Variants in FOXP4 observed in about 807,000 individuals in gnomAD.
FOXP4 encodes the protein forkhead box protein P4.
Under a neutral mutation model 82.6 loss-of-function variants are expected in FOXP4, and 25 were observed. The observed-to-expected ratio is 0.30, with a 90% CI of 0.22 to 0.42. FOXP4 has a LOEUF of 0.42. Among genes scored for constraint, FOXP4 ranks in the 10% least tolerant of loss-of-function variants. The pLI, the probability that FOXP4 is intolerant of heterozygous loss-of-function variation, is 1.00. For synonymous variants in FOXP4, 415 were observed against 388.2 expected, an observed-to-expected ratio of 1.07 and a Z score of -0.81; for missense variants, 785 against 900.9, an observed-to-expected ratio of 0.87 and a Z score of 1.65.
rs79689663 is a variant in FOXP4, at chr6:41,594,703, G to A, written c.1537-167G>A. On this transcript the variant is annotated intron_variant, in intron 13 of 16. Transcript: ENST00000307972. ...GGCTCTATGGAAAGGGTAGGGGCCCGCCTTCCCTTTGGCTGGGTCTCCTCC... is the reference window on the plus strand; with the variant it reads ...GGCTCTATGGAAAGGGTAGGGGCCCACCTTCCCTTTGGCTGGGTCTCCTCC... 9.0e-3 allele frequency among the ~76,000 whole-genome samples: 1,363 copies of A among 152,224 alleles called. 17 individuals carry two copies. The highest frequency in any genetic ancestry group is 0.03 in the African/African-American group (1,251 of 41,520).
chr6:41,596,773 G>A (rs1283622599), intron 14 of FOXP4, among the ~76,000 whole-genome samples: 1 of 152,118 alleles, frequency 6.6e-6, no homozygotes, highest in African/African-American at 2.4e-5. Flanking sequence ...AAGACAGTGT[G>A]GGCAGACCAG....
intron 1 of FOXP4, among the ~76,000 whole-genome samples, chr6:41,563,217 C>T (rs1764687809): frequency 6.6e-6 from 1 of 152,214 alleles, no homozygotes; most frequent in African/African-American, 2.4e-5. Flanking sequence ...GCCACAGGAA[C>T]AGGGATGTGG....
chr6:41,585,798 C>T (rs1022382919), intron 5 of FOXP4, among the ~76,000 whole-genome samples: 2 of 151,950 alleles, frequency 1.3e-5, no homozygotes, highest in African/African-American at 4.8e-5. Flanking sequence ...TGTGTGGTGT[C>T]TGCCGGGCCA....
At position 41,591,893 on chromosome 6, in the gene FOXP4, T is replaced by G. The variant is rs1236145460; in HGVS notation, c.1536+571T>G. On this transcript the variant is annotated intron_variant, in intron 13 of 16. Coordinates refer to ENST00000307972, the MANE Select transcript of FOXP4 (RefSeq NM_001012426.2). This position sits in a 1 kb window ranked among gnomAD's most constrained non-coding sequence, Gnocchi z 4.2. ...CATTTCAACACCTTCAGCCATAAGT[T>G]TTCCTGGGAGAGCAGAAGCAGGCAA... is the stretch of plus-strand genomic sequence containing the variant. Among the ~76,000 whole-genome samples, 1 of 152,044 alleles carries G rather than the reference T, an allele frequency of 6.6e-6. No individual in the cohort carries two copies. Among genetic ancestry groups the G allele is most frequent in the Non-Finnish European group, 1.5e-5 (1 of 68,020 alleles).
intron 14 of FOXP4, among the ~76,000 whole-genome samples, chr6:41,595,907 TA>T (rs1224616217): frequency 6.6e-6 from 1 of 152,004 alleles, no homozygotes; most frequent in Non-Finnish European, 1.5e-5. Flanking sequence ...CCTGGCCTAT[TA>T]TTTTTTTGAG....
In FOXP4 at chr6:41,587,884, G is replaced by T; in HGVS notation, c.964G>T (p.Gly322Cys). The change falls in exon 8 of 17, where the codon GGC becomes TGC. Residue 322 changes from glycine to cysteine, a missense_variant. This residue lies in a region of FOXP4 where 570 missense variants were observed against 634.0 expected (regional missense o/e 0.90). Transcript: ENST00000307972. ...PGCETLCEDL[G>C]QFIKHLNTEH... ...CTGTGAGACCCTGTGTGAAGACCTG[G>T]GCCAGTTTATCAAGTAGGTGTCACC... is the stretch of plus-strand genomic sequence containing the variant. The T allele has an allele frequency of 6.4e-7, 1 of 1,557,842 alleles. No homozygotes were observed. Among genetic ancestry groups the T allele is most frequent in the South Asian group, 1.2e-5 (1 of 84,612 alleles).
chr6:41,594,043 G>A (rs567140212), intron 13 of FOXP4, among the ~76,000 whole-genome samples: 32 of 152,284 alleles, frequency 2.1e-4, no homozygotes, highest in Admixed American at 7.2e-4. Context: ...TGAGGGACAC[G>A]ATGAGGTGGG....
Position 41,591,685 on chromosome 6 carries a change from G to A in FOXP4, c.1536+363G>A, listed in dbSNP as rs1159243333. Among the ~76,000 whole-genome samples, 7 of 152,284 alleles carry A rather than the reference G, an allele frequency of 4.6e-5. No individual in the cohort carries two copies. In the East Asian group the frequency reaches 1.4e-3, roughly 29 times the overall value. Reference sequence around the variant, plus strand: ...GGGCCGAATTTCACAGAGACCCTAAGGGTCTGGATACCTTGGCTTAAGGTA... The same window carrying A: ...GGGCCGAATTTCACAGAGACCCTAAAGGTCTGGATACCTTGGCTTAAGGTA... On this transcript the variant is annotated intron_variant, in intron 13 of 16. Transcript: ENST00000307972. The surrounding 1 kb of genome is among the most constrained non-coding windows in gnomAD (Gnocchi z 4.2).
chr6:41,573,572 A>G (rs1357004327), intron 2 of FOXP4, among the ~76,000 whole-genome samples: 1 of 152,020 alleles, frequency 6.6e-6, no homozygotes, highest in Non-Finnish European at 1.5e-5. Context: ...TTTGGTTAGC[A>G]AGGCCTTCTG....
intron 2 of FOXP4, among the ~76,000 whole-genome samples, chr6:41,568,423 C>T (rs561013157): frequency 1.2e-4 from 19 of 152,350 alleles, no homozygotes; most frequent in Non-Finnish European, 2.2e-4. Flanking sequence ...GTTCAGGGCT[C>T]AGCACACCTG....
chr6:41,561,729 A>C (rs1250961410), intron 1 of FOXP4, among the ~76,000 whole-genome samples: 2 of 152,214 alleles, frequency 1.3e-5, no homozygotes, highest in East Asian at 1.9e-4. Flanking sequence ...ACCGACCATC[A>C]GTGCCTACCA....
chr6:41,550,464 G>A (rs907946359), intron 1 of FOXP4, among the ~76,000 whole-genome samples: 1 of 152,212 alleles, frequency 6.6e-6, no homozygotes, highest in South Asian at 2.1e-4. Context: ...TATGGGTTGG[G>A]AAAACGAAGT....
At chr6:41,556,411 C>A (rs373366502) in intron 1 of FOXP4, among the ~76,000 whole-genome samples, 1 of 151,526 alleles carries the variant, frequency 6.6e-6, no homozygotes, top group African/African-American at 2.4e-5. Context: ...GCAAGCTCCA[C>A]CTCCCAGGTT....
chr6:41,571,763 TA>T (rs1478822689), intron 2 of FOXP4, among the ~76,000 whole-genome samples: 1 of 152,146 alleles, frequency 6.6e-6, no homozygotes, highest in African/African-American at 2.4e-5. Flanking sequence ...CCTCTCTGTG[TA>T]ATTTCATTTT....
At chr6:41,582,888 C>A (rs561037802) in intron 3 of FOXP4, among the ~76,000 whole-genome samples, 1 of 152,284 alleles carries the variant, frequency 6.6e-6, no homozygotes, top group South Asian at 2.1e-4. Context: ...ACCTGCCCTG[C>A]GGTGGGGCAG....
In FOXP4 at chr6:41,558,304, T is replaced by C. The variant is rs1764389535; in HGVS notation, c.-16-7441T>C. On this transcript the variant is annotated intron_variant, in intron 1 of 16. Coordinates refer to ENST00000307972, the MANE Select transcript of FOXP4 (RefSeq NM_001012426.2). This position sits in a 1 kb window ranked among gnomAD's most constrained non-coding sequence, Gnocchi z 4.0. Reference sequence around the variant, plus strand: ...GGCTTCAGGACCTATTCTGGAGCTATAGCCACATTTTAACCCATGGGTCTT... The same window carrying C: ...GGCTTCAGGACCTATTCTGGAGCTACAGCCACATTTTAACCCATGGGTCTT... Among the ~76,000 whole-genome samples, 1 of 152,202 alleles carries C rather than the reference T, an allele frequency of 6.6e-6. No individual in the cohort carries two copies. Among genetic ancestry groups the C allele is most frequent in the Non-Finnish European group, 1.5e-5 (1 of 68,032 alleles).
At chr6:41,574,853 G>A (rs538549235) in intron 2 of FOXP4, among the ~76,000 whole-genome samples, 1 of 152,314 alleles carries the variant, frequency 6.6e-6, no homozygotes, top group African/African-American at 2.4e-5. Context: ...CACCACCTCT[G>A]GGAAGCCTTC....
At chr6:41,587,957 CCCTGCCCACTAG>C (rs1766256875) in intron 8 of FOXP4, 60 bp downstream of exon 8, 4 of 881,154 alleles carry the variant, frequency 4.5e-6, no homozygotes, top group Non-Finnish European at 7.4e-6. Context: ...TCTCCCCCAA[CCCTGCCCACTAG>C]CTTGCCCCTT....
intron 8 of FOXP4, among the ~76,000 whole-genome samples, chr6:41,588,275 T>TGGCAGCAGGCGGCC (rs1345632892): frequency 1.3e-5 from 2 of 152,134 alleles, no homozygotes; most frequent in Non-Finnish European, 2.9e-5. Flanking sequence ...GACGGGCGGC[T>TGGCAGCAGGCGGCC]GGCAGCAGGC....
Sources: allele counts gnomAD v4.1 joint callset (sites outside exome capture counted in the v4.1 genomes callset), GRCh38; gene constraint gnomAD v4.1.1; regional missense constraint gnomAD v4.1.1; non-coding constraint Gnocchi (gnomAD v3.1); transcripts MANE v1.5; gene names NCBI Gene and HGNC (gene_info 2026-07-23, HGNC 2026-07-21).